Variants in DOCK3 observed in about 807,000 individuals in gnomAD.
The protein encoded by DOCK3 is dedicator of cytokinesis 3.
DOCK3 carries 60 observed loss-of-function variants against 265.6 expected under a neutral mutation model. That is an observed-to-expected ratio of 0.23 (90% CI 0.18 to 0.28). The LOEUF (loss-of-function observed/expected upper bound fraction) is 0.28. DOCK3 is among the 10% of genes least tolerant of loss of function. The probability of loss-of-function intolerance (pLI) is 1.00; values close to 1 mark genes in which losing one functional copy is unlikely to be tolerated. For missense variants in DOCK3, 1,981 were observed against 2,594.3 expected, an observed-to-expected ratio of 0.76 and a Z score of 5.14; for synonymous variants, 881 against 938.0, an observed-to-expected ratio of 0.94 and a Z score of 1.11.
intron 47 of DOCK3, among the ~76,000 whole-genome samples, chr3:51,360,996 C>G (rs563602966): frequency 1.4e-3 from 208 of 152,272 alleles, no homozygotes; most frequent in Admixed American, 2.7e-3. Context: ...CTGAGTAGAG[C>G]CAAGTGGCTG....
chr3:51,154,473 A>G (rs999284752), intron 10 of DOCK3, among the ~76,000 whole-genome samples: 11 of 152,196 alleles, frequency 7.2e-5, no homozygotes, highest in Admixed American at 2.0e-4. Flanking sequence ...AGGTTAGTCT[A>G]TTGGCTGAGA....
intron 1 of DOCK3, among the ~76,000 whole-genome samples, chr3:50,729,721 A>G (rs896918329): frequency 1.3e-5 from 2 of 151,278 alleles, no homozygotes; most frequent in Non-Finnish European, 2.9e-5. Context: ...GGATCTCGCC[A>G]TGTTGTCCAG....
intron 5 of DOCK3, among the ~76,000 whole-genome samples, chr3:50,992,360 T>C (rs2078137673): frequency 6.6e-6 from 1 of 152,214 alleles, no homozygotes; most frequent in South Asian, 2.1e-4. Context: ...TGAAGTGGCG[T>C]GATCTCAGCT....
intron 5 of DOCK3, among the ~76,000 whole-genome samples, chr3:50,977,130 T>G (rs1162670640): frequency 6.6e-6 from 1 of 151,384 alleles, no homozygotes; most frequent in East Asian, 1.9e-4. Flanking sequence ...ATTGGAGCAT[T>G]TAGTCCATTT....
intron 5 of DOCK3, among the ~76,000 whole-genome samples, chr3:50,965,361 A>C (rs1213568112): frequency 7.2e-5 from 11 of 152,040 alleles, no homozygotes; most frequent in African/African-American, 2.7e-4. Context: ...TGACCTCAGC[A>C]TTCACCTTAG....
At chr3:50,830,673 G>T (rs537259398) in intron 2 of DOCK3, among the ~76,000 whole-genome samples, 1 of 152,156 alleles carries the variant, frequency 6.6e-6, no homozygotes, top group Admixed American at 6.5e-5. Context: ...TGCCGACACT[G>T]TTCTGCAGCT....
intron 5 of DOCK3, among the ~76,000 whole-genome samples, chr3:51,010,326 G>C (rs561975466): frequency 6.6e-6 from 1 of 152,238 alleles, no homozygotes; most frequent in South Asian, 2.1e-4. Context: ...TATACATTTA[G>C]GATATTTAGC....
intron 1 of DOCK3, among the ~76,000 whole-genome samples, chr3:50,716,383 C>G (rs1401690121): frequency 6.6e-6 from 1 of 151,978 alleles, no homozygotes; most frequent in East Asian, 1.9e-4. Flanking sequence ...AAAAAATCAG[C>G]TGGGTGTGGT....
chr3:51,143,417 C>G (rs2085156733), intron 9 of DOCK3, among the ~76,000 whole-genome samples: 1 of 150,878 alleles, frequency 6.6e-6, no homozygotes, highest in Non-Finnish European at 1.5e-5. Flanking sequence ...TTACAGGCAC[C>G]CGCCACTATG....
At chr3:50,758,436 A>G (rs1411348852) in intron 1 of DOCK3, among the ~76,000 whole-genome samples, 2 of 151,882 alleles carry the variant, frequency 1.3e-5, no homozygotes, top group African/African-American at 4.8e-5. Context: ...TATTGTGCTT[A>G]TATATTACGA....
At chr3:50,952,135 A>T (rs2076607271) in intron 5 of DOCK3, among the ~76,000 whole-genome samples, 1 of 152,204 alleles carries the variant, frequency 6.6e-6, no homozygotes, top group African/African-American at 2.4e-5. Flanking sequence ...ATACCCAAGG[A>T]CATTCTTTCA....
At chr3:51,375,576 T>G (rs1370693519) in intron 50 of DOCK3, among the ~76,000 whole-genome samples, 172 bp from the exon 51 acceptor site, 1 of 152,160 alleles carries the variant, frequency 6.6e-6, no homozygotes, top group African/African-American at 2.4e-5. Context: ...CCCTGGACAG[T>G]CTTTCCTAGG....
intron 23 of DOCK3, among the ~76,000 whole-genome samples, chr3:51,267,441 A>G (rs897355706): frequency 6.6e-5 from 10 of 150,466 alleles, no homozygotes; most frequent in African/African-American, 2.0e-4. Flanking sequence ...CTGGAGTGCA[A>G]TGGAGCGATC....
intron 5 of DOCK3, among the ~76,000 whole-genome samples, chr3:51,036,930 T>C (rs2080294303): frequency 6.6e-6 from 1 of 152,172 alleles, no homozygotes; most frequent in South Asian, 2.1e-4. Flanking sequence ...ATGTAAGATG[T>C]GACTTGCTCC....
At chr3:50,746,210 A>G (rs2039431149) in intron 1 of DOCK3, among the ~76,000 whole-genome samples, 1 of 151,540 alleles carries the variant, frequency 6.6e-6, no homozygotes, top group African/African-American at 2.4e-5. Flanking sequence ...CCTGGGTTCA[A>G]GCAATTCTGT....
intron 46 of DOCK3, among the ~76,000 whole-genome samples, chr3:51,360,061 C>T (rs754676311): frequency 6.6e-6 from 1 of 152,190 alleles, no homozygotes; most frequent in Non-Finnish European, 1.5e-5. Context: ...CACAGACAAC[C>T]CAGGTCACTA....
At chr3:51,239,355 A>G (rs1174906662) in intron 21 of DOCK3, among the ~76,000 whole-genome samples, 1 of 151,762 alleles carries the variant, frequency 6.6e-6, no homozygotes, top group Non-Finnish European at 1.5e-5. Flanking sequence ...GACTACAGGC[A>G]TATGCCACCA....
intron 12 of DOCK3, among the ~76,000 whole-genome samples, chr3:51,169,553 A>G (rs1475082092): frequency 6.6e-6 from 1 of 152,148 alleles, no homozygotes; most frequent in Non-Finnish European, 1.5e-5. Flanking sequence ...ACATGGACAC[A>G]AAGAGGGGAA....
intron 29 of DOCK3, 70 bp downstream of exon 29, chr3:51,312,149 T>G: frequency 7.3e-7 from 1 of 1,372,704 alleles, no homozygotes; most frequent in Non-Finnish European, 1.0e-6. Context: ...AGCTCACTTG[T>G]TTTTTGCTTT....
Sources: gnomAD v4.1 joint callset for allele counts (sites outside exome capture counted in the v4.1 genomes callset) on GRCh38, gnomAD v4.1.1 for gene constraint, MANE v1.5 for transcripts, NCBI Gene and HGNC (gene_info 2026-07-23, HGNC 2026-07-21) for gene names.